The following ZFP1 variants were observed in gnomAD, a reference collection of about 807,000 sequenced individuals.
ZFP1 encodes the protein ZFP1 zinc finger protein, also known as zinc finger protein 1 homolog.
Under a neutral mutation model 38.5 loss-of-function variants are expected in ZFP1, and 32 were observed. The ratio of observed to expected loss-of-function variants is 0.83; its 90% CI spans 0.63 to 1.12. The LOEUF (loss-of-function observed/expected upper bound fraction) is 1.12. Among genes scored for constraint, ZFP1 ranks in the 50% most tolerant of loss-of-function variants. ZFP1 has a pLI of 0.00. For missense variants in ZFP1, 616 were observed against 480.8 expected (o/e 1.28, Z -2.63); for synonymous variants, 245 against 168.8 (o/e 1.45, Z -3.50).
chr16:75,139,105 C>G, the ZFP1 span, among the ~76,000 whole-genome samples: 1 of 152,236 alleles, frequency 6.6e-6, no homozygotes, highest in Admixed American at 6.5e-5. Context: ...CGCGGCAGCT[C>G]ACGCCTGTAA....
the ZFP1 span, among the ~76,000 whole-genome samples, chr16:75,134,552 C>T: frequency 2.0e-5 from 3 of 148,988 alleles, no homozygotes; most frequent in South Asian, 2.2e-4. Flanking sequence ...GTCAGGAGAT[C>T]GAGACCTGGC....
At chr16:75,149,518 A>C (rs1263541151) in intron 1 of ZFP1, among the ~76,000 whole-genome samples, 3 of 146,308 alleles carry the variant, frequency 2.1e-5, no homozygotes, top group Non-Finnish European at 4.5e-5. Flanking sequence ...TGATTGTAAT[A>C]CTATATTTTT....
the ZFP1 span, among the ~76,000 whole-genome samples, chr16:75,137,801 G>T: frequency 1.3e-5 from 2 of 151,942 alleles, no homozygotes; most frequent in Non-Finnish European, 2.9e-5. Context: ...ATGCAGTGAG[G>T]CTTAGGCAGG....
At chr16:75,122,319 G>C in the ZFP1 span, among the ~76,000 whole-genome samples, 8 of 152,306 alleles carry the variant, frequency 5.3e-5, no homozygotes, top group South Asian at 2.1e-4. Flanking sequence ...GGAGTGGCAG[G>C]GTGAGTAGTT....
At chr16:75,162,794 G>A (rs890117948) in intron 2 of ZFP1, among the ~76,000 whole-genome samples, 3 of 152,066 alleles carry the variant, frequency 2.0e-5, no homozygotes, top group African/African-American at 7.2e-5. Flanking sequence ...ATTCAGTTAG[G>A]TTAATACCCT....
intron 1 of ZFP1, among the ~76,000 whole-genome samples, chr16:75,150,133 C>T (rs1010890036): frequency 1.3e-5 from 2 of 151,940 alleles, no homozygotes; most frequent in South Asian, 2.1e-4. Flanking sequence ...TTTAACTTCC[C>T]TTGTGACTTC....
chr16:75,152,804 G>A, intron 1 of ZFP1, 105 bp from the exon 2 acceptor site: 3 of 1,012,986 alleles, frequency 3.0e-6, no homozygotes, highest in Non-Finnish European at 4.4e-6. Context: ...CCAGGAGGTG[G>A]TATTTTCCCA....
chr16:75,131,645 G>A, the ZFP1 span, among the ~76,000 whole-genome samples: 3 of 151,988 alleles, frequency 2.0e-5, 1 homozygote, highest in African/African-American at 7.2e-5. Flanking sequence ...ACCTCGGTTC[G>A]TTGCTTACCT....
Position 75,166,832 on chromosome 16 carries a change from C to T in ZFP1, c.78C>T (p.Asp26=), listed in dbSNP as rs1211581709. ...DFTQEEWEQL[D]PSQRILYMDV... Reference sequence around the variant, plus strand: ...CCCAGGAGGAATGGGAACAACTGGACCCCTCTCAGAGGATCCTATACATGG... The same window carrying T: ...CCCAGGAGGAATGGGAACAACTGGATCCCTCTCAGAGGATCCTATACATGG... The change falls in exon 3 of 4, where the codon GAC becomes GAT. Residue 26 remains aspartate, a synonymous_variant. Coordinates refer to ENST00000570010, the MANE Select transcript of ZFP1 (RefSeq NM_153688.4). 50 of 1,614,020 alleles carry T rather than the reference C, an allele frequency of 3.1e-5. No individual in the cohort carries two copies. Among genetic ancestry groups the T allele is most frequent in the Non-Finnish European group, 3.9e-5 (46 of 1,180,026 alleles).
At chr16:75,130,006 T>G in the ZFP1 span, among the ~76,000 whole-genome samples, 2 of 152,260 alleles carry the variant, frequency 1.3e-5, no homozygotes, top group Middle Eastern at 3.4e-3. Flanking sequence ...TTTTGTTTTT[T>G]GTTTTTTTTC....
chr16:75,132,655 T>TC, the ZFP1 span: 2 of 143,868 alleles, frequency 1.4e-5, no homozygotes, highest in East Asian at 2.0e-4. Flanking sequence ...TTCATTTCTT[T>TC]TTTTTTTTTT....
chr16:75,140,542 C>T, the ZFP1 span, among the ~76,000 whole-genome samples: 1 of 152,242 alleles, frequency 6.6e-6, no homozygotes, highest in African/African-American at 2.4e-5. Flanking sequence ...ACAATGTAAG[C>T]TCCACCAGGA....
At chr16:75,152,541 C>A (rs940192509) in intron 1 of ZFP1, among the ~76,000 whole-genome samples, 5 of 152,186 alleles carry the variant, frequency 3.3e-5, no homozygotes, top group African/African-American at 1.2e-4. Flanking sequence ...CAGTTTCCAT[C>A]TCTGCTGAAA....
At chr16:75,164,616 G>C (rs2037963434) in intron 2 of ZFP1, among the ~76,000 whole-genome samples, 1 of 152,098 alleles carries the variant, frequency 6.6e-6, no homozygotes, top group Non-Finnish European at 1.5e-5. Flanking sequence ...TTATGTACTA[G>C]TCATCATTCT....
At chr16:75,149,560 T>TC (rs1300270542) in intron 1 of ZFP1, among the ~76,000 whole-genome samples, 11 of 137,556 alleles carry the variant, frequency 8.0e-5, no homozygotes, top group Admixed American at 4.3e-4. Context: ...TTACTTTCTT[T>TC]TTTTTTTTTT....
chr16:75,154,095 G>C (rs993496505), intron 2 of ZFP1, among the ~76,000 whole-genome samples: 1 of 152,164 alleles, frequency 6.6e-6, no homozygotes, highest in Non-Finnish European at 1.5e-5. Context: ...GTGGTGGCGG[G>C]CGCCTGTAGT....
At position 75,170,066 on chromosome 16, in the gene ZFP1, C is replaced by A. The variant is rs770638807; in HGVS notation, c.956C>A (p.Thr319Lys). The A allele has an allele frequency of 2.5e-6, 4 of 1,614,056 alleles. No homozygotes were observed. Among genetic ancestry groups the A allele is most frequent in the Non-Finnish European group, 3.4e-6 (4 of 1,180,012 alleles). Reference protein sequence around the residue: ...SNLIIHQKIHTGEKRYECSEC... With the variant: ...SNLIIHQKIHKGEKRYECSEC... ...CTTATCATACATCAGAAGATTCACA[C>A]GGGGGAGAAACGCTATGAGTGCAGT... is the stretch of plus-strand genomic sequence containing the variant. Residue 319 changes from threonine to lysine, a missense_variant, in exon 4 of 4, where the codon ACG becomes AAG. By Grantham distance (78) the Thr-to-Lys change is moderately conservative. Coordinates refer to ENST00000570010, the MANE Select transcript of ZFP1 (RefSeq NM_153688.4).
the ZFP1 span, among the ~76,000 whole-genome samples, chr16:75,119,795 A>G: frequency 6.6e-6 from 1 of 152,228 alleles, no homozygotes; most frequent in Non-Finnish European, 1.5e-5. Context: ...TTGATCAAAT[A>G]CAAAGGAAGT....
the ZFP1 span, among the ~76,000 whole-genome samples, chr16:75,129,095 C>G: frequency 5.3e-5 from 8 of 152,284 alleles, no homozygotes; most frequent in Non-Finnish European, 1.0e-4. Context: ...GGGCCAGCCA[C>G]TTTCGTATCT....
Sources: allele counts gnomAD v4.1 joint callset (sites outside exome capture counted in the v4.1 genomes callset), GRCh38; gene constraint gnomAD v4.1.1; transcripts MANE v1.5; gene names NCBI Gene and HGNC (gene_info 2026-07-23, HGNC 2026-07-21).